The following MUC20 variants were observed in gnomAD, a reference collection of about 807,000 sequenced individuals.
MUC20 encodes the protein mucin-20.
MUC20 carries 14 observed loss-of-function variants against 23.8 expected under a neutral mutation model. That is an observed-to-expected ratio of 0.59 (90% CI 0.39 to 0.92). The LOEUF (loss-of-function observed/expected upper bound fraction) is 0.92. MUC20 is among the 40% of genes least tolerant of loss of function. MUC20 has a pLI of 0.00. For synonymous variants in MUC20, 166 were observed against 279.3 expected (o/e 0.59, Z 4.04); for missense variants, 375 against 668.8 (o/e 0.56, Z 4.85).
intron 3 of MUC20, among the ~76,000 whole-genome samples, chr3:195,732,799 C>T (rs944317982): frequency 1.3e-5 from 2 of 152,376 alleles, no homozygotes; most frequent in African/African-American, 4.8e-5. Context: ...CATCAGTTCT[C>T]GTCCGGGGAC....
chr3:195,723,170 C>T (rs1322725089), intron 1 of MUC20, among the ~76,000 whole-genome samples: 2 of 151,326 alleles, frequency 1.3e-5, no homozygotes, highest in East Asian at 3.8e-4. Flanking sequence ...GACCCCGGAG[C>T]CAGTCGTGGG....
Position 195,733,174 on chromosome 3 carries a change from GC to G in MUC20, c.2087del (p.Ala696GlyfsTer48). ...GCTCCACCGGGAACTCCACGCCCAC[GC>G]GCCTCACTTCCAGGTCTCCTTACTG... ...QQLHRELHAH[A>X]PHFQVSLLRV... is the part of the protein sequence containing the mutation. On this transcript the variant is annotated frameshift_variant, in exon 4 of 4. Transcript: ENST00000447234. LOFTEE classifies it high-confidence loss of function. 1 of 1,595,112 alleles carries G rather than the reference GC, an allele frequency of 6.3e-7. No homozygotes were observed. The highest frequency in any genetic ancestry group is 8.5e-7 in the Non-Finnish European group (1 of 1,171,736).
chr3:195,733,413 T>A lies in MUC20; in HGVS notation c.*195T>A, dbSNP rs1713605200. On this transcript the variant is annotated 3_prime_UTR_variant, in exon 4 of 4. Transcript: ENST00000447234. ...CCTCGCTCACATCCACCGGAGTGTA[T>A]GTGTGGGGAGGGGCTTCACCTGTTC... The A allele has an allele frequency of 6.9e-7, 1 of 1,444,564 alleles. No individual in the cohort carries two copies. Among genetic ancestry groups the A allele is most frequent in the Admixed American group, 2.7e-5 (1 of 37,138 alleles). The allele number at this position is 1,444,564 out of a possible 1,614,324, so 89.5% of individuals were successfully genotyped here.
At chr3:195,727,042 C>T (rs1712767316) in intron 2 of MUC20, among the ~76,000 whole-genome samples, 1 of 152,296 alleles carries the variant, frequency 6.6e-6, no homozygotes, top group Non-Finnish European at 1.5e-5. Context: ...AGGCTGGGAC[C>T]CCATGAAAGT....
At position 195,729,761 on chromosome 3, in the gene MUC20, C is replaced by T. The variant is rs772442785; in HGVS notation, c.2061+22C>T. ...GCAGGTGAGTGGGCACTTTCCGGGC[C>T]AGGGGAGTAGAGGAAGGGGCGAGGT... On this transcript the variant is annotated intron_variant, in intron 3 of 3. Coordinates refer to ENST00000447234, the MANE Select transcript of MUC20 (RefSeq NM_001282506.2). 7 of 1,576,330 alleles carry T rather than the reference C, an allele frequency of 4.4e-6. No homozygotes were observed. The Admixed American group carries it at 1.3e-4, about 29-fold the overall frequency.
intron 2 of MUC20, among the ~76,000 whole-genome samples, chr3:195,729,190 C>A (rs549064685): frequency 5.0e-4 from 76 of 152,386 alleles, no homozygotes; most frequent in South Asian, 3.7e-3. Context: ...TGCCTTTCTC[C>A]CCTGGCTGTG....
chr3:195,729,438 T>A, intron 2 of MUC20: 1 of 506,796 alleles, frequency 2.0e-6, no homozygotes, highest in East Asian at 3.6e-5. Context: ...TGCCTCAGCC[T>A]CCTGAGTAGC....
chr3:195,726,565 G>A lies in MUC20; in HGVS notation c.1962G>A (p.Val654=), dbSNP rs1712705267. ...CCCGGACGAGGCCGACCACAGACGT[G>A]AGTGCAGGTAAGTGGCTCCTGCTGG... is the stretch of plus-strand genomic sequence containing the variant. The part of the protein sequence containing the change: ...TTARTRPTTD[V]SAGENGGFLL... Residue 654 remains valine, a synonymous_variant, in exon 2 of 4, where the codon GTG becomes GTA. Transcript: ENST00000447234. The A allele has an allele frequency of 1.2e-6, 2 of 1,612,250 alleles. No homozygotes were observed. Among genetic ancestry groups the A allele is most frequent in the Non-Finnish European group, 1.7e-6 (2 of 1,178,678 alleles).
chr3:195,732,611 C>G (rs1420173303), intron 3 of MUC20, among the ~76,000 whole-genome samples: 2 of 152,192 alleles, frequency 1.3e-5, no homozygotes, highest in Non-Finnish European at 1.5e-5. Context: ...CCACCTGCCT[C>G]TGCTTCCCAA....
Position 195,724,309 on chromosome 3 carries a change from G to A in MUC20, c.77-371G>A, listed in dbSNP as rs1474636815. 1.2e-4 allele frequency: 39 copies of A among 324,286 alleles called. 11 individuals carry two copies. The African/African-American group carries it at 1.5e-3, about 12-fold the overall frequency. 20.1% of individuals were successfully genotyped at this position (324,286 alleles called of 1,614,324 possible). On this transcript the variant is annotated intron_variant, in intron 1 of 3. Transcript: ENST00000447234. ...AAAAGTATCCGGGGAAGGGGACAGA[G>A]GTTCAGAAAGCTCTGCGAGTCCTGG...
chr3:195,725,107 A>G lies in MUC20; in HGVS notation c.504A>G (p.Glu168=), dbSNP rs745694712. 6.4e-7 allele frequency: 1 copy of G among 1,565,226 alleles called. No homozygotes were observed. The highest frequency in any genetic ancestry group is 1.7e-5 in the African/African-American group (1 of 59,450). The change falls in exon 2 of 4, where the codon GAA becomes GAG. Residue 168 remains glutamate, a synonymous_variant. Transcript: ENST00000447234. ...DILTLAHTST[E]AKGLSSESSA... is the part of the protein sequence containing the mutation. ...TGACATTGGCTCACACCTCCACAGA[A>G]GCTAAGGGCCTGTCCTCAGAGAGCA...
chr3:195,723,317 G>A (rs1490278605), intron 1 of MUC20, among the ~76,000 whole-genome samples: 2 of 124,346 alleles, frequency 1.6e-5, no homozygotes, highest in African/African-American at 6.7e-5. Flanking sequence ...TTGGGTCTAT[G>A]GGCTACTTTT....
At chr3:195,732,090 G>T (rs1034994121) in intron 3 of MUC20, among the ~76,000 whole-genome samples, 3 of 152,086 alleles carry the variant, frequency 2.0e-5, no homozygotes, top group East Asian at 3.9e-4. Flanking sequence ...CACAACCTCC[G>T]CCTCCCAGGT....
At position 195,721,227 on chromosome 3, in the gene MUC20, T is replaced by C. The variant is rs1164343353; in HGVS notation, c.76+144T>C. 4.6e-6 allele frequency: 5 copies of C among 1,088,836 alleles called. No individual in the cohort carries two copies. The African/African-American group carries it at 4.9e-5, about 11-fold the overall frequency. The allele number at this position is 1,088,836 out of a possible 1,614,324, so 67.4% of individuals were successfully genotyped here. A position where few individuals can be genotyped will look rare whatever the true frequency, so the allele number is the denominator to read the frequency against. ...CCACAGTGCTACTTGTGAAGTGCTA[T>C]TATTGTTGATAAAGAGTGTGCAAAT... On this transcript the variant is annotated intron_variant, in intron 1 of 3. Coordinates refer to ENST00000447234, the MANE Select transcript of MUC20 (RefSeq NM_001282506.2).
Position 195,726,131 on chromosome 3 carries a change from G to T in MUC20, c.1528G>T (p.Val510Leu). Residue 510 changes from valine to leucine, a missense_variant, in exon 2 of 4, where the codon GTG becomes TTG. Physicochemically the swap from Val to Leu is conservative, Grantham distance 32. This residue lies in a region of MUC20 where 343 missense variants were observed against 340.2 expected (regional missense o/e 1.01). Coordinates refer to ENST00000447234, the MANE Select transcript of MUC20 (RefSeq NM_001282506.2). ...CACTAACAGCGCCACAGAAAGAGAAGTGACAGCACCCGGGGCCACGACCCT... is the reference window on the plus strand; with the variant it reads ...CACTAACAGCGCCACAGAAAGAGAATTGACAGCACCCGGGGCCACGACCCT... ...LPTNSATERE[V>L]TAPGATTLSG... 1 of 1,608,442 alleles carries T rather than the reference G, an allele frequency of 6.2e-7. No individual in the cohort carries two copies. Among genetic ancestry groups the T allele is most frequent in the Non-Finnish European group, 8.5e-7 (1 of 1,175,758 alleles).
At chr3:195,723,535 A>T (rs1712359542) in intron 1 of MUC20, among the ~76,000 whole-genome samples, 1 of 118,798 alleles carries the variant, frequency 8.4e-6, no homozygotes, top group Admixed American at 7.8e-5. Context: ...TTCAGGTAAC[A>T]ATTTTTTTTA....
At chr3:195,731,111 C>T (rs1713343809) in intron 3 of MUC20, among the ~76,000 whole-genome samples, 1 of 152,198 alleles carries the variant, frequency 6.6e-6, no homozygotes, top group Admixed American at 6.5e-5. Context: ...ATGTGGATTG[C>T]CTCTTTGACA....
In MUC20 at chr3:195,729,853, C is replaced by T. The variant is rs571505038; in HGVS notation, c.2061+114C>T. 6.3e-5 allele frequency: 64 copies of T among 1,018,114 alleles called. No homozygotes were observed. In the South Asian group the frequency reaches 8.0e-4, roughly 13 times the overall value. The allele number at this position is 1,018,114 out of a possible 1,614,324, so 63.1% of individuals were successfully genotyped here. A position where few individuals can be genotyped will look rare whatever the true frequency, so the allele number is the denominator to read the frequency against. On this transcript the variant is annotated intron_variant, in intron 3 of 3. Transcript: ENST00000447234. ...AGCTACCGCGCTTGGAAGGGAGTCTCGTTTCTTACGGAGAATTGGGAGCTG... is the reference window on the plus strand; with the variant it reads ...AGCTACCGCGCTTGGAAGGGAGTCTTGTTTCTTACGGAGAATTGGGAGCTG...
At chr3:195,728,457 C>T (rs1224123988) in intron 2 of MUC20, among the ~76,000 whole-genome samples, 4 of 152,408 alleles carry the variant, frequency 2.6e-5, no homozygotes, top group Non-Finnish European at 2.9e-5. Flanking sequence ...TCCACCCAAA[C>T]ATCTCAGCAG....
Sources: gnomAD v4.1 joint callset for allele counts (sites outside exome capture counted in the v4.1 genomes callset) on GRCh38, gnomAD v4.1.1 for gene constraint, gnomAD v4.1.1 regional missense constraint, MANE v1.5 for transcripts, NCBI Gene and HGNC (gene_info 2026-07-23, HGNC 2026-07-21) for gene names.